GHR: variants seen among roughly 807,000 people sequenced by gnomAD.
GHR encodes GH receptor.
GHR carries 35 observed loss-of-function variants against 67.1 expected under a neutral mutation model. That is an observed-to-expected ratio of 0.52 (90% CI 0.40 to 0.69). The LOEUF (loss-of-function observed/expected upper bound fraction) is 0.69. Among genes scored for constraint, GHR ranks in the 30% least tolerant of loss-of-function variants. The pLI is 0.00. For synonymous variants in GHR, 272 were observed against 269.1 expected (o/e 1.01, Z -0.10); for missense variants, 792 against 764.6 (o/e 1.04, Z -0.42).
At position 42,424,567 on chromosome 5, in the gene GHR, A is replaced by G; in HGVS notation, c.-12+612A>G. 6.5e-7 allele frequency: 1 copy of G among 1,533,848 alleles called. No homozygotes were observed. Among genetic ancestry groups the G allele is most frequent in the East Asian group, 2.4e-5 (1 of 40,864 alleles). The stretch of plus-strand genomic sequence containing the variant: ...TGGCACCGATGGAACTGGGGTCAGT[A>G]GAGTGACAGCCACCAGTCCGCATGA... On this transcript the variant is annotated intron_variant, in intron 1 of 9. Transcript: ENST00000230882. The surrounding 1 kb of genome is among the most constrained non-coding windows in gnomAD (Gnocchi z 4.1).
chr5:42,540,035 A>G (rs1008866123), intron 1 of GHR, among the ~76,000 whole-genome samples: 2 of 152,180 alleles, frequency 1.3e-5, no homozygotes, highest in African/African-American at 4.8e-5. Context: ...TTAGCCTATA[A>G]ATAATGGTTT....
At chr5:42,699,740 G>A in intron 5 of GHR, 84 bp from the exon 6 acceptor site, 1 of 868,094 alleles carries the variant, frequency 1.2e-6, no homozygotes, top group Non-Finnish European at 2.0e-6. Context: ...AATGTAGAAA[G>A]TAATTTGGTC....
In GHR at chr5:42,498,087, A is replaced by T. The variant is rs540662567; in HGVS notation, c.-11-67777A>T. Among the ~76,000 whole-genome samples, 3 of 152,260 alleles carry T rather than the reference A, an allele frequency of 2.0e-5. No individual in the cohort carries two copies. The South Asian group carries it at 6.2e-4, about 32-fold the overall frequency. On this transcript the variant is annotated intron_variant, in intron 1 of 9. Coordinates refer to ENST00000230882, the MANE Select transcript of GHR (RefSeq NM_000163.5). ...ATTACTTTATCTCAGATATTCTTAG[A>T]TTCTCTCTAGTGAAGGCCACACCTT...
At chr5:42,602,403 C>T (rs1487123425) in intron 2 of GHR, among the ~76,000 whole-genome samples, 1 of 152,120 alleles carries the variant, frequency 6.6e-6, no homozygotes, top group African/African-American at 2.4e-5. Context: ...TATGTATGTA[C>T]TCAGATCTAA....
chr5:42,436,921 G>A (rs1464909519), intron 1 of GHR, among the ~76,000 whole-genome samples: 1 of 152,152 alleles, frequency 6.6e-6, no homozygotes, highest in African/African-American at 2.4e-5. Flanking sequence ...TGAATAACTA[G>A]GTTAACCAGG....
intron 1 of GHR, among the ~76,000 whole-genome samples, chr5:42,474,795 T>C (rs1284483452): frequency 1.3e-5 from 2 of 151,994 alleles, no homozygotes; most frequent in Admixed American, 6.6e-5. Flanking sequence ...GGAACATATA[T>C]TTGTTTACAA....
chr5:42,473,502 T>C (rs1486373441), intron 1 of GHR, among the ~76,000 whole-genome samples: 1 of 152,192 alleles, frequency 6.6e-6, no homozygotes, highest in Non-Finnish European at 1.5e-5. Flanking sequence ...CAGTGAACAC[T>C]GCAATATGTG....
chr5:42,605,241 T>C (rs1752573579), intron 2 of GHR, among the ~76,000 whole-genome samples: 1 of 151,762 alleles, frequency 6.6e-6, no homozygotes, highest in Admixed American at 6.6e-5. Flanking sequence ...GTAGCTGGGA[T>C]TACAGGCATG....
chr5:42,612,817 T>A lies in GHR; in HGVS notation c.71-16221T>A, dbSNP rs941852542. 2.6e-5 allele frequency among the ~76,000 whole-genome samples: 4 copies of A among 152,094 alleles called. No individual in the cohort carries two copies. The East Asian group carries it at 7.7e-4, about 29-fold the overall frequency. On this transcript the variant is annotated intron_variant, in intron 2 of 9. Coordinates refer to ENST00000230882, the MANE Select transcript of GHR (RefSeq NM_000163.5). ...GAGAACTGCACCTTCCAGGAGAGAT[T>A]TCAATCTGACTCCAAAGCCTTGACC...
Position 42,694,923 on chromosome 5 carries a change from T to G in GHR, c.273T>G (p.Thr91=). ...PIQLFYTRRN[T]QEWTQEWKEC... Reference sequence around the variant, plus strand: ...TTTTAACCCTTCATTTTAGGAACACTCAAGAATGGACTCAAGAATGGAAAG... The same window carrying G: ...TTTTAACCCTTCATTTTAGGAACACGCAAGAATGGACTCAAGAATGGAAAG... Residue 91 remains threonine, a synonymous_variant, in exon 5 of 10, where the codon ACT becomes ACG. Coordinates refer to ENST00000230882, the MANE Select transcript of GHR (RefSeq NM_000163.5). The G allele has an allele frequency of 6.2e-7, 1 of 1,608,332 alleles. No homozygotes were observed. The highest frequency in any genetic ancestry group is 8.5e-7 in the Non-Finnish European group (1 of 1,175,552).
At chr5:42,440,366 G>C (rs1473569395) in intron 1 of GHR, among the ~76,000 whole-genome samples, 2 of 152,134 alleles carry the variant, frequency 1.3e-5, no homozygotes, top group African/African-American at 4.8e-5. Flanking sequence ...ATCTAAGTAA[G>C]AGGGAAAAGA....
chr5:42,657,742 T>A (rs910038177), intron 3 of GHR, among the ~76,000 whole-genome samples: 1 of 152,206 alleles, frequency 6.6e-6, no homozygotes. Flanking sequence ...GGTGTTTCCC[T>A]TTCCTTATGA....
chr5:42,531,685 CA>C (rs1747977623), intron 1 of GHR, among the ~76,000 whole-genome samples: 1 of 152,134 alleles, frequency 6.6e-6, no homozygotes, highest in Non-Finnish European at 1.5e-5. Flanking sequence ...GTTTCTTAAC[CA>C]GCTGAATCAC....
At chr5:42,496,850 T>C (rs1210309044) in intron 1 of GHR, among the ~76,000 whole-genome samples, 2 of 152,174 alleles carry the variant, frequency 1.3e-5, no homozygotes, top group Non-Finnish European at 2.9e-5. Flanking sequence ...GGCAGAATGG[T>C]AAAATTTCAA....
intron 2 of GHR, among the ~76,000 whole-genome samples, chr5:42,625,747 T>C (rs983991986): frequency 2.2e-5 from 3 of 137,758 alleles, no homozygotes; most frequent in Non-Finnish European, 3.4e-5. Context: ...ACTATTCAGG[T>C]TAAGATATGT....
At chr5:42,669,301 G>A (rs1329931902) in intron 3 of GHR, among the ~76,000 whole-genome samples, 1 of 152,116 alleles carries the variant, frequency 6.6e-6, no homozygotes, top group African/African-American at 2.4e-5. Context: ...CTATTTTGTT[G>A]CATTTGAAAT....
chr5:42,579,124 TA>T (rs1203892714), intron 2 of GHR, among the ~76,000 whole-genome samples: 3,428 of 82,764 alleles, frequency 0.041, 51 homozygotes, highest in Non-Finnish European at 0.045. Context: ...GATAGATAGA[TA>T]GATAGATAGA....
chr5:42,688,349 C>G (rs766103621), intron 3 of GHR, among the ~76,000 whole-genome samples: 1 of 152,232 alleles, frequency 6.6e-6, no homozygotes, highest in Non-Finnish European at 1.5e-5. Flanking sequence ...GTGAACATCT[C>G]TGAGGCACCC....
chr5:42,619,204 A>G (rs1055358809), intron 2 of GHR, among the ~76,000 whole-genome samples: 1 of 152,062 alleles, frequency 6.6e-6, no homozygotes, highest in Non-Finnish European at 1.5e-5. Flanking sequence ...GGAATCTGAC[A>G]TGGTGAACAG....
Sources: allele counts gnomAD v4.1 joint callset (sites outside exome capture counted in the v4.1 genomes callset), GRCh38; gene constraint gnomAD v4.1.1; non-coding constraint Gnocchi (gnomAD v3.1); transcripts MANE v1.5; gene names NCBI Gene and HGNC (gene_info 2026-07-23, HGNC 2026-07-21).